Variants in DGKI observed in about 807,000 individuals in gnomAD.
DGKI encodes the protein diacylglycerol kinase iota, also known as DAG kinase iota.
Under a neutral mutation model 147.5 loss-of-function variants are expected in DGKI, and 55 were observed. That is an observed-to-expected ratio of 0.37 (90% CI 0.30 to 0.47). The LOEUF (loss-of-function observed/expected upper bound fraction) is 0.47. Ranked by LOEUF, DGKI falls within the 20% of genes least tolerant of loss-of-function variation. DGKI has a pLI of 1.00. For synonymous variants in DGKI, 469 were observed against 477.1 expected (o/e 0.98, Z 0.22); for missense variants, 1,007 against 1,323.8 (o/e 0.76, Z 3.71).
chr7:137,450,020 A>G (rs1230876949), intron 27 of DGKI, among the ~76,000 whole-genome samples: 1 of 152,242 alleles, frequency 6.6e-6, no homozygotes, highest in African/African-American at 2.4e-5. Context: ...GTTAAGCTAA[A>G]TAAGCCAGGT....
At chr7:137,727,049 A>G (rs1205844514) in intron 1 of DGKI, among the ~76,000 whole-genome samples, 1 of 151,950 alleles carries the variant, frequency 6.6e-6, no homozygotes, top group East Asian at 1.9e-4. Flanking sequence ...CAAGATCTGC[A>G]AAAGAAAAAA....
chr7:137,682,090 A>G (rs1252180594), intron 2 of DGKI, among the ~76,000 whole-genome samples: 1 of 152,198 alleles, frequency 6.6e-6, no homozygotes, highest in Admixed American at 6.5e-5. Context: ...TGTGAGTATT[A>G]ACAGCTTTCA....
At chr7:137,525,050 C>G (rs932657838) in intron 20 of DGKI, among the ~76,000 whole-genome samples, 1 of 152,110 alleles carries the variant, frequency 6.6e-6, no homozygotes, top group Non-Finnish European at 1.5e-5. Flanking sequence ...TCTCCTGAAC[C>G]TCTGGCCACC....
chr7:137,779,746 T>C (rs1170002150), intron 1 of DGKI, among the ~76,000 whole-genome samples: 1 of 152,186 alleles, frequency 6.6e-6, no homozygotes, highest in Non-Finnish European at 1.5e-5. Context: ...TTACTTAAAA[T>C]AAAGTCTATA....
intron 8 of DGKI, among the ~76,000 whole-genome samples, chr7:137,612,572 T>C (rs1277470227): frequency 6.6e-6 from 1 of 152,144 alleles, no homozygotes; most frequent in Admixed American, 6.6e-5. Flanking sequence ...TTTGTATATG[T>C]TTTGACCATG....
intron 28 of DGKI, among the ~76,000 whole-genome samples, chr7:137,441,084 C>T (rs755917549): frequency 1.6e-4 from 25 of 152,128 alleles, no homozygotes; most frequent in Non-Finnish European, 2.9e-4. Context: ...CTTCTACTGC[C>T]TGGATGCTAG....
chr7:137,633,850 C>A (rs1274656069), intron 6 of DGKI, among the ~76,000 whole-genome samples: 1 of 152,230 alleles, frequency 6.6e-6, no homozygotes, highest in Non-Finnish European at 1.5e-5. Flanking sequence ...TTCAACTCTT[C>A]TGAATGTTAT....
intron 23 of DGKI, among the ~76,000 whole-genome samples, chr7:137,476,369 C>T (rs1487523649): frequency 1.3e-5 from 2 of 151,960 alleles, no homozygotes; most frequent in African/African-American, 4.8e-5. Flanking sequence ...TGAGAATTTC[C>T]CATAAACATG....
chr7:137,702,519 C>G (rs1007350977), intron 1 of DGKI, among the ~76,000 whole-genome samples: 8 of 152,090 alleles, frequency 5.3e-5, no homozygotes, highest in Non-Finnish European at 1.0e-4. Context: ...TTCAAGAAAT[C>G]CTGCAACAAT....
In DGKI at chr7:137,418,472, T is replaced by C. The variant is rs78314791; in HGVS notation, c.2762-6265A>G. Among the ~76,000 whole-genome samples the C allele has an allele frequency of 1.4e-4, 22 of 152,294 alleles. No individual in the cohort carries two copies. The East Asian group carries it at 4.3e-3, about 29-fold the overall frequency. On this transcript the variant is annotated intron_variant, in intron 28 of 32. Transcript: ENST00000614521. ...TGGCTTAAGGTTGTAATTATTGCTG[T>C]ACAGAAGACAATATTGGGGAATAAA...
chr7:137,635,353 A>G (rs1011924879), intron 6 of DGKI, among the ~76,000 whole-genome samples: 10 of 152,220 alleles, frequency 6.6e-5, no homozygotes, highest in African/African-American at 2.4e-4. Flanking sequence ...GAGAACAACC[A>G]GCTACTTTGA....
intron 19 of DGKI, among the ~76,000 whole-genome samples, chr7:137,558,045 T>C (rs982945104): frequency 3.3e-5 from 5 of 152,200 alleles, no homozygotes; most frequent in African/African-American, 9.6e-5. Context: ...CTGTACTAAA[T>C]AGCCTCAATG....
chr7:137,395,824 G>C, intron 31 of DGKI, 127 bp from the exon 32 acceptor site: 1 of 744,706 alleles, frequency 1.3e-6, no homozygotes, highest in Non-Finnish European at 2.2e-6. Context: ...TTTGGCTGTA[G>C]GGTACATTCT....
intron 4 of DGKI, among the ~76,000 whole-genome samples, chr7:137,655,155 A>C (rs1035349471): frequency 2.6e-5 from 4 of 151,752 alleles, no homozygotes; most frequent in Non-Finnish European, 5.9e-5. Context: ...TATAAACTTG[A>C]GTTTTTTTAG....
At chr7:137,423,740 C>T (rs1453359832) in intron 28 of DGKI, among the ~76,000 whole-genome samples, 1 of 152,094 alleles carries the variant, frequency 6.6e-6, no homozygotes, top group Non-Finnish European at 1.5e-5. Flanking sequence ...GTTAATTTAG[C>T]AAAGGTCATG....
chr7:137,612,149 G>A (rs1820385145), intron 8 of DGKI, among the ~76,000 whole-genome samples: 3 of 150,172 alleles, frequency 2.0e-5, no homozygotes, highest in Non-Finnish European at 4.4e-5. Flanking sequence ...ACACATTAAA[G>A]TAAGGCTTGA....
At chr7:137,699,226 C>T (rs1823895115) in intron 1 of DGKI, among the ~76,000 whole-genome samples, 1 of 152,204 alleles carries the variant, frequency 6.6e-6, no homozygotes, top group Admixed American at 6.5e-5. Context: ...GCAGACTCCA[C>T]CCTCATGACC....
intron 1 of DGKI, among the ~76,000 whole-genome samples, chr7:137,730,788 C>A (rs1031683565): frequency 2.6e-5 from 4 of 152,056 alleles, no homozygotes; most frequent in Non-Finnish European, 5.9e-5. Context: ...GTTAAAAATC[C>A]TCATTCCAAA....
At chr7:137,536,569 A>C (rs1207979113) in intron 20 of DGKI, among the ~76,000 whole-genome samples, 1 of 152,164 alleles carries the variant, frequency 6.6e-6, no homozygotes, top group Admixed American at 6.6e-5. Flanking sequence ...TTATGATTCT[A>C]AGATCATGCT....
Sources: allele counts gnomAD v4.1 joint callset (sites outside exome capture counted in the v4.1 genomes callset), GRCh38; gene constraint gnomAD v4.1.1; transcripts MANE v1.5; gene names NCBI Gene and HGNC (gene_info 2026-07-23, HGNC 2026-07-21).